Variants in THSD7B observed in about 807,000 individuals in gnomAD.
The protein encoded by THSD7B is thrombospondin type 1 domain containing 7B.
In THSD7B, 138 loss-of-function variants were observed where a neutral mutation model predicts 213.6. The observed-to-expected ratio is 0.65, with a 90% CI of 0.56 to 0.74. The LOEUF (loss-of-function observed/expected upper bound fraction) is 0.74, where lower values mean the gene tolerates loss of function less well. THSD7B is among the 30% of genes least tolerant of loss of function. The probability of loss-of-function intolerance (pLI) is 0.00; values close to 1 mark genes in which losing one functional copy is unlikely to be tolerated. For synonymous variants in THSD7B, 742 were observed against 687.0 expected (o/e 1.08, Z -1.25); for missense variants, 1,931 against 1,991.5 (o/e 0.97, Z 0.58).
intron 10 of THSD7B, among the ~76,000 whole-genome samples, chr2:137,252,284 A>AAC (rs1553482953): frequency 6.6e-6 from 1 of 151,134 alleles, no homozygotes; most frequent in African/African-American, 2.4e-5. Flanking sequence ...AAAAAAAAAA[A>AAC]AAAAAACAAA....
At chr2:137,144,587 A>G (rs985213686) in intron 5 of THSD7B, among the ~76,000 whole-genome samples, 2 of 151,968 alleles carry the variant, frequency 1.3e-5, no homozygotes. Context: ...TTGTAGGTAG[A>G]ATGCTTATTT....
intron 16 of THSD7B, among the ~76,000 whole-genome samples, chr2:137,571,341 C>T (rs1464750435): frequency 3.3e-5 from 5 of 152,092 alleles, no homozygotes; most frequent in Admixed American, 2.6e-4. Flanking sequence ...TCTTGCTGAA[C>T]ATTTGGACTG....
chr2:137,306,990 C>A (rs1456872756), intron 12 of THSD7B, among the ~76,000 whole-genome samples: 2 of 152,102 alleles, frequency 1.3e-5, no homozygotes, highest in Admixed American at 6.5e-5. Flanking sequence ...CTGTAATCTG[C>A]ATTGTCTTTG....
chr2:137,113,798 C>G (rs1688396953), intron 4 of THSD7B, among the ~76,000 whole-genome samples: 1 of 152,046 alleles, frequency 6.6e-6, no homozygotes, highest in Non-Finnish European at 1.5e-5. Context: ...GCACTCCAAA[C>G]TCTTGTCTGC....
At chr2:137,492,197 C>T (rs1679426660) in intron 15 of THSD7B, among the ~76,000 whole-genome samples, 1 of 152,162 alleles carries the variant, frequency 6.6e-6, no homozygotes, top group Non-Finnish European at 1.5e-5. Context: ...TGAACAAGTT[C>T]CAAACCCACT....
chr2:136,794,777 GAGA>G (rs1348160319), intron 1 of THSD7B, among the ~76,000 whole-genome samples: 2 of 152,086 alleles, frequency 1.3e-5, no homozygotes, highest in East Asian at 1.9e-4. Flanking sequence ...CAGTTCTTGA[GAGA>G]AGGAGTTGTT....
At chr2:136,945,447 CT>C (rs2105065324) in intron 2 of THSD7B, among the ~76,000 whole-genome samples, 1 of 152,250 alleles carries the variant, frequency 6.6e-6, no homozygotes, top group African/African-American at 2.4e-5. Flanking sequence ...AATTATGTGT[CT>C]TTGGGTTGCT....
At chr2:137,498,062 A>G (rs186826227) in intron 15 of THSD7B, among the ~76,000 whole-genome samples, 6 of 152,346 alleles carry the variant, frequency 3.9e-5, no homozygotes, top group Admixed American at 3.3e-4. Flanking sequence ...TGCATATTAA[A>G]TAATCCAAGG....
At chr2:137,177,207 A>G (rs1256980995) in intron 7 of THSD7B, among the ~76,000 whole-genome samples, 3 of 152,192 alleles carry the variant, frequency 2.0e-5, no homozygotes, top group Non-Finnish European at 4.4e-5. Flanking sequence ...AAAACATAAA[A>G]CATATTATTG....
intron 3 of THSD7B, 46 bp downstream of exon 3, chr2:137,057,276 A>G (rs1162633668): frequency 2.8e-6 from 4 of 1,451,882 alleles, no homozygotes; most frequent in Non-Finnish European, 3.7e-6. Flanking sequence ...AAAATATTTT[A>G]TAGTGCAACT....
chr2:136,932,525 T>G (rs1684648246), intron 2 of THSD7B, among the ~76,000 whole-genome samples: 1 of 137,848 alleles, frequency 7.3e-6, no homozygotes, highest in South Asian at 2.2e-4. Context: ...CATAAACAGT[T>G]GATTAACCTA....
At chr2:136,989,857 A>C (rs1357517083) in intron 2 of THSD7B, among the ~76,000 whole-genome samples, 2 of 152,194 alleles carry the variant, frequency 1.3e-5, no homozygotes, top group African/African-American at 2.4e-5. Flanking sequence ...GTGTCATGGG[A>C]GGAAGCTAGG....
chr2:137,011,541 C>T (rs1182267186), intron 2 of THSD7B, among the ~76,000 whole-genome samples: 2 of 152,124 alleles, frequency 1.3e-5, no homozygotes, highest in Admixed American at 1.3e-4. Context: ...AAAATGTCCC[C>T]CGACATTGCC....
intron 5 of THSD7B, among the ~76,000 whole-genome samples, chr2:137,142,590 T>A (rs372284582): frequency 2.0e-5 from 3 of 152,128 alleles, no homozygotes; most frequent in Admixed American, 2.0e-4. Context: ...TATTATCAAA[T>A]TTTTTGGACA....
intron 12 of THSD7B, among the ~76,000 whole-genome samples, chr2:137,389,236 T>G (rs56268938): frequency 0.2 from 28,112 of 139,466 alleles, 3,050 homozygotes; most frequent in South Asian, 0.27. Context: ...AATATATATA[T>G]ATAGAGAGAG....
At chr2:137,467,997 T>C (rs1206159307) in intron 15 of THSD7B, among the ~76,000 whole-genome samples, 2 of 152,244 alleles carry the variant, frequency 1.3e-5, no homozygotes, top group Non-Finnish European at 2.9e-5. Context: ...AGTAAAATTA[T>C]GCACATATTA....
chr2:137,553,982 A>G (rs1680900644), intron 15 of THSD7B, among the ~76,000 whole-genome samples: 1 of 150,644 alleles, frequency 6.6e-6, no homozygotes, highest in Non-Finnish European at 1.5e-5. Flanking sequence ...CTGTTGGACA[A>G]AAGCTTTAAG....
chr2:137,210,678 A>G (rs1245151523), intron 7 of THSD7B, among the ~76,000 whole-genome samples: 1 of 152,040 alleles, frequency 6.6e-6, no homozygotes, highest in Non-Finnish European at 1.5e-5. Context: ...AACTGCATTT[A>G]AGTAGAGATG....
chr2:136,857,433 A>G (rs1489938228), intron 1 of THSD7B, among the ~76,000 whole-genome samples: 1 of 152,172 alleles, frequency 6.6e-6, no homozygotes, highest in Non-Finnish European at 1.5e-5. Context: ...TGTGCTTTTT[A>G]TTCCCTAACT....
Sources: gnomAD v4.1 joint callset for allele counts (sites outside exome capture counted in the v4.1 genomes callset) on GRCh38, gnomAD v4.1.1 for gene constraint, MANE v1.5 for transcripts, NCBI Gene and HGNC (gene_info 2026-07-23, HGNC 2026-07-21) for gene names.